The following BNC2 variants were observed in gnomAD, a reference collection of about 807,000 sequenced individuals.
The protein encoded by BNC2 is zinc finger protein basonuclin-2.
A neutral mutation model predicts 76.3 loss-of-function variants in BNC2; 20 were observed. That is an observed-to-expected ratio of 0.26 (90% confidence interval 0.18 to 0.38). The LOEUF (loss-of-function observed/expected upper bound fraction) is 0.38, where lower values mean the gene tolerates loss of function less well. Ranked by LOEUF, BNC2 falls within the 10% of genes least tolerant of loss-of-function variation. The pLI is 1.00. For synonymous variants in BNC2, 582 were observed against 514.8 expected, an observed-to-expected ratio of 1.13 and a Z score of -1.77; for missense variants, 1,382 against 1,399.8, an observed-to-expected ratio of 0.99 and a Z score of 0.20.
At chr9:16,443,064 C>CAAAAAAAAAAAAA (rs908689709) in intron 5 of BNC2, among the ~76,000 whole-genome samples, 1 of 63,662 alleles carries the variant, frequency 1.6e-5, no homozygotes, top group African/African-American at 5.5e-5. Flanking sequence ...GAGACTCTGT[C>CAAAAAAAAAAAAA]AAAAAAAAAA....
chr9:16,766,585 T>G (rs1284517672), intron 1 of BNC2, among the ~76,000 whole-genome samples: 1 of 152,228 alleles, frequency 6.6e-6, no homozygotes, highest in African/African-American at 2.4e-5. Context: ...GGCTAACAGC[T>G]GGTACTACCT....
chr9:16,845,716 G>A (rs1397606331), intron 1 of BNC2, among the ~76,000 whole-genome samples: 4 of 152,008 alleles, frequency 2.6e-5, no homozygotes, highest in Non-Finnish European at 4.4e-5. Context: ...GCAAGACTCC[G>A]TCTCAAAATA....
At chr9:16,751,266 T>TA (rs34351017) in intron 1 of BNC2, among the ~76,000 whole-genome samples, 68,019 of 145,616 alleles carry the variant, frequency 0.47, 20,639 homozygotes, top group Non-Finnish European at 0.69. Context: ...GAAAATGGTT[T>TA]AAAAAAAAAA....
At chr9:16,784,011 C>T (rs541110511) in intron 1 of BNC2, among the ~76,000 whole-genome samples, 10 of 152,006 alleles carry the variant, frequency 6.6e-5, no homozygotes, top group Non-Finnish European at 1.3e-4. Context: ...GAATAGCATC[C>T]GATTTTTCCA....
At chr9:16,832,155 A>C (rs1818590724) in intron 1 of BNC2, 1 of 487,352 alleles carries the variant, frequency 2.1e-6, no homozygotes, top group Admixed American at 4.0e-5. Flanking sequence ...TCAACGGTCC[A>C]TTTAGTAGGT....
At chr9:16,454,172 A>C (rs1383947469) in intron 5 of BNC2, among the ~76,000 whole-genome samples, 1 of 151,998 alleles carries the variant, frequency 6.6e-6, no homozygotes, top group Non-Finnish European at 1.5e-5. Flanking sequence ...TTTTATATCT[A>C]TGTGCCACAT....
At chr9:16,652,656 C>T (rs1460721005) in intron 3 of BNC2, among the ~76,000 whole-genome samples, 2 of 152,178 alleles carry the variant, frequency 1.3e-5, no homozygotes, top group East Asian at 1.9e-4. Flanking sequence ...GATATCATCA[C>T]TTTTCTTCCC....
intron 1 of BNC2, among the ~76,000 whole-genome samples, chr9:16,766,595 T>C (rs1372803039): frequency 1.3e-5 from 2 of 152,222 alleles, no homozygotes; most frequent in African/African-American, 4.8e-5. Flanking sequence ...TGGTACTACC[T>C]TCCATGCAAA....
At chr9:16,434,570 G>A (rs1820965939) in intron 6 of BNC2, among the ~76,000 whole-genome samples, 1 of 152,162 alleles carries the variant, frequency 6.6e-6, no homozygotes, top group Non-Finnish European at 1.5e-5. Flanking sequence ...GGTGTATTAT[G>A]TACGTGATCT....
In BNC2 at chr9:16,738,400, A is replaced by G; in HGVS notation, c.89T>C (p.Phe30Ser). Residue 30 changes from phenylalanine (F) to serine (S), a missense_variant, in exon 2 of 7, where the codon TTC (phenylalanine) becomes TCC (serine). Phe to Ser is a radical substitution (Grantham distance 155). This residue lies in a region of BNC2 where 557 missense variants were observed against 540.9 expected (regional missense o/e 1.03). Coordinates refer to ENST00000380672, the MANE Select transcript of BNC2 (RefSeq NM_017637.6). The stretch of plus-strand genomic sequence containing the variant: ...ATCAACCCCACAACATGGGACCTTG[A>G]AATATGCTGGCCAGTCTTGCTCACT... ...RLSEQDWPAY[F>S]KVPCCGVDTS... is the part of the protein sequence containing the mutation. 6.2e-7 allele frequency: 1 copy of G among 1,614,104 alleles called. No individual in the cohort carries two copies. Among genetic ancestry groups the G allele is most frequent in the Non-Finnish European group, 8.5e-7 (1 of 1,179,986 alleles).
chr9:16,427,312 G>A (rs1820820959), intron 6 of BNC2, among the ~76,000 whole-genome samples: 1 of 152,174 alleles, frequency 6.6e-6, no homozygotes, highest in Non-Finnish European at 1.5e-5. Flanking sequence ...AAAGTTGGCT[G>A]CTGCTGTCAT....
intron 5 of BNC2, among the ~76,000 whole-genome samples, chr9:16,446,066 A>C (rs1821224769): frequency 6.6e-6 from 1 of 152,148 alleles, no homozygotes; most frequent in Admixed American, 6.5e-5. Flanking sequence ...ATTAACATTA[A>C]ATCTTCTTTC....
At chr9:16,530,171 T>G (rs2132214728) in intron 5 of BNC2, among the ~76,000 whole-genome samples, 1 of 152,134 alleles carries the variant, frequency 6.6e-6, no homozygotes, top group East Asian at 1.9e-4. Flanking sequence ...GTTTTTTGTT[T>G]TTTTTTTTAA....
chr9:16,631,841 AG>A (rs1266638736), intron 3 of BNC2, among the ~76,000 whole-genome samples: 1 of 152,220 alleles, frequency 6.6e-6, no homozygotes, highest in Non-Finnish European at 1.5e-5. Flanking sequence ...GAACAACTTC[AG>A]AAAAAAAGAC....
At position 16,437,352 on chromosome 9, in the gene BNC2, T is replaced by C. The variant is rs773379267; in HGVS notation, c.842A>G (p.Asp281Gly). The change falls in exon 6 of 7, where the codon GAT becomes GGT. Residue 281 changes from aspartate (D) to glycine (G), a missense_variant. Around this residue, in one of 3 missense-constraint regions of BNC2, gnomAD observed 557 missense variants for 540.9 expected, o/e 1.03. Transcript: ENST00000380672. ...VAVPSSKTDS[D>G]IRTFIESNNR... ...ATTGCTCTCAATGAAAGTCCTTATA[T>C]CTGAGTCTGTCTTTGAAGATGGTAC... is the stretch of plus-strand genomic sequence containing the variant. 5.6e-6 allele frequency: 9 copies of C among 1,613,952 alleles called. No homozygotes were observed. The highest frequency in any genetic ancestry group is 7.6e-6 in the Non-Finnish European group (9 of 1,179,904).
At chr9:16,453,987 T>A (rs1821394579) in intron 5 of BNC2, among the ~76,000 whole-genome samples, 1 of 152,188 alleles carries the variant, frequency 6.6e-6, no homozygotes, top group Non-Finnish European at 1.5e-5. Context: ...ACACACTATA[T>A]ACTCCCACCA....
chr9:16,750,873 G>A (rs1253281195), intron 1 of BNC2, among the ~76,000 whole-genome samples: 2 of 152,196 alleles, frequency 1.3e-5, no homozygotes. Context: ...ATGAATAAAT[G>A]AATGATTACA....
intron 5 of BNC2, among the ~76,000 whole-genome samples, chr9:16,520,243 C>A (rs550618923): frequency 6.6e-6 from 1 of 152,246 alleles, no homozygotes; most frequent in East Asian, 1.9e-4. Flanking sequence ...TTGGGCTCTT[C>A]CAGCTTGAAG....
chr9:16,801,112 T>C lies in BNC2; in HGVS notation c.4-62627A>G, dbSNP rs145124101. ...AAACAAGACTTCAAAATCCAAAGTA[T>C]ATCCCCTACACAATTCTCCGTATTT... is the stretch of plus-strand genomic sequence containing the variant. On this transcript the variant is annotated intron_variant, in intron 1 of 6. Coordinates refer to ENST00000380672, the MANE Select transcript of BNC2 (RefSeq NM_017637.6). Among the ~76,000 whole-genome samples the C allele has an allele frequency of 5.3e-5, 8 of 152,312 alleles. No homozygotes were observed. The East Asian group carries it at 1.4e-3, about 26-fold the overall frequency.
Sources: gnomAD v4.1 joint callset for allele counts (sites outside exome capture counted in the v4.1 genomes callset) on GRCh38, gnomAD v4.1.1 for gene constraint, gnomAD v4.1.1 regional missense constraint, MANE v1.5 for transcripts, NCBI Gene and HGNC (gene_info 2026-07-23, HGNC 2026-07-21) for gene names.